GREB1: variants seen among roughly 807,000 people sequenced by gnomAD.
The protein encoded by GREB1 is growth regulating estrogen receptor binding 1, also known as protein GREB1.
A neutral mutation model predicts 200.7 loss-of-function variants in GREB1; 106 were observed. The observed-to-expected ratio is 0.53, with a 90% CI of 0.45 to 0.62. GREB1 has a LOEUF of 0.62. GREB1 is among the 20% of genes least tolerant of loss of function. GREB1 has a pLI of 0.00. For missense variants in GREB1, 2,243 were observed against 2,556.8 expected (o/e 0.88, Z 2.65); for synonymous variants, 1,132 against 1,092.4 (o/e 1.04, Z -0.72).
rs1044110716 is a variant in GREB1, at chr2:11,578,346, C to T, written c.687C>T (p.Phe229=). 2.5e-6 allele frequency: 4 copies of T among 1,614,138 alleles called. No homozygotes were observed. Among genetic ancestry groups the T allele is most frequent in the African/African-American group, 1.3e-5 (1 of 75,046 alleles). Residue 229 remains phenylalanine, a synonymous_variant, in exon 6 of 33, where the codon TTC becomes TTT. Coordinates refer to ENST00000381486, the MANE Select transcript of GREB1 (RefSeq NM_014668.4). ...IPASTCSSSL[F]PALESTAAFP... ...CCAGTACTTGTTCCAGTTCCCTCTT[C>T]CCAGCCCTGGAGAGCACGGCTGCCT...
chr2:11,560,722 G>A (rs1676935943), intron 2 of GREB1, among the ~76,000 whole-genome samples: 1 of 151,724 alleles, frequency 6.6e-6, no homozygotes, highest in African/African-American at 2.4e-5. Flanking sequence ...AGAAATAAGC[G>A]AAGAGTGCCT....
intron 30 of GREB1, among the ~76,000 whole-genome samples, chr2:11,636,773 G>C (rs372016758): frequency 7.4e-6 from 1 of 135,834 alleles, no homozygotes; most frequent in African/African-American, 2.6e-5. Flanking sequence ...GGCAGGGGCA[G>C]GGGCAGGGGC....
intron 2 of GREB1, among the ~76,000 whole-genome samples, chr2:11,557,974 A>G (rs1676605557): frequency 6.6e-6 from 1 of 152,254 alleles, no homozygotes; most frequent in Non-Finnish European, 1.5e-5. Context: ...TTACCTGGTC[A>G]TCCTCTACAT....
At chr2:11,541,278 C>T (rs575103448) in intron 1 of GREB1, among the ~76,000 whole-genome samples, 1 of 152,196 alleles carries the variant, frequency 6.6e-6, no homozygotes, top group Non-Finnish European at 1.5e-5. Context: ...GAAAGGGAGG[C>T]CGGGCAGGAA....
chr2:11,514,105 T>A (rs923497214), intron 1 of GREB1, among the ~76,000 whole-genome samples: 3 of 152,138 alleles, frequency 2.0e-5, no homozygotes, highest in African/African-American at 7.2e-5. Context: ...CCAGATGGGA[T>A]AGAGTTGAAT....
chr2:11,624,040 CAA>C (rs1684226660), intron 23 of GREB1, among the ~76,000 whole-genome samples: 1 of 152,120 alleles, frequency 6.6e-6, no homozygotes, highest in Non-Finnish European at 1.5e-5. Flanking sequence ...ACAAAAGAGT[CAA>C]AGAGTTTAAA....
intron 20 of GREB1, among the ~76,000 whole-genome samples, chr2:11,616,384 C>T (rs1252969665): frequency 6.6e-6 from 1 of 152,270 alleles, no homozygotes; most frequent in Non-Finnish European, 1.5e-5. Context: ...ATCTCCTCCA[C>T]CAGCTTGCAG....
At position 11,538,910 on chromosome 2, in the gene GREB1, C is replaced by CCTTCCCCCTCCCCTCCCCTCCTGT. The variant is rs1491417613; in HGVS notation, c.-162+4657_-162+4658insTTCCCCCTCCCCTCCCCTCCTGTC. On this transcript the variant is annotated intron_variant, in intron 1 of 32. Coordinates refer to ENST00000381486, the MANE Select transcript of GREB1 (RefSeq NM_014668.4). ...CTCTCTTTCTTTTCCTTCCTTCCTT[C>CCTTCCCCCTCCCCTCCCCTCCTGT]CCCCTCCCCTCCCCTCGTGTCCCCT... Among the ~76,000 whole-genome samples, 3 of 20,304 alleles carry CCTTCCCCCTCCCCTCCCCTCCTGT rather than the reference C, an allele frequency of 1.5e-4. 1 individual carries two copies. The highest frequency in any genetic ancestry group is 4.4e-4 in the Non-Finnish European group (3 of 6,848). The allele number at this position is 20,304 out of a possible 152,430, so 13.3% of individuals were successfully genotyped here. A position where few individuals can be genotyped will look rare whatever the true frequency, so the allele number is the denominator to read the frequency against.
intron 1 of GREB1, among the ~76,000 whole-genome samples, chr2:11,526,599 A>G (rs987700457): frequency 4.7e-5 from 7 of 149,432 alleles, no homozygotes; most frequent in Non-Finnish European, 7.4e-5. Context: ...CCTGTTGCCC[A>G]GGCTGGAGTG....
At position 11,641,060 on chromosome 2, in the gene GREB1, A is replaced by T. The variant is rs1278411091; in HGVS notation, c.*606A>T. On this transcript the variant is annotated 3_prime_UTR_variant, in exon 33 of 33. Transcript: ENST00000381486. ...ACTTCAGAGCAAATATGATCCTATT[A>T]AAATAATATAGGGTAAATACCCTAC... 1.3e-5 allele frequency: 2 copies of T among 152,252 alleles called. No homozygotes were observed. Among genetic ancestry groups the T allele is most frequent in the African/African-American group, 4.8e-5 (2 of 41,440 alleles). The allele number at this position is 152,252 out of a possible 1,614,324, so 9.4% of individuals were successfully genotyped here.
chr2:11,578,288 C>T lies in GREB1; in HGVS notation c.638-9C>T. On this transcript the variant is annotated splice_polypyrimidine_tract_variant and intron_variant, in intron 5 of 32. Transcript: ENST00000381486. ...AGTTGGTTTTCACGTGTGCACCTTG[C>T]CCCCTTAGAGTTTAGAAGCCGGCAG... is the stretch of plus-strand genomic sequence containing the variant. The T allele has an allele frequency of 6.2e-7, 1 of 1,608,556 alleles. No homozygotes were observed. The highest frequency in any genetic ancestry group is 8.5e-7 in the Non-Finnish European group (1 of 1,175,680).
At chr2:11,608,865 C>G (rs1682652539) in intron 17 of GREB1, among the ~76,000 whole-genome samples, 1 of 152,210 alleles carries the variant, frequency 6.6e-6, no homozygotes, top group African/African-American at 2.4e-5. Context: ...CTCTGCAGAT[C>G]TCTCCTCTTT....
At chr2:11,573,864 A>C (rs114536221) in intron 4 of GREB1, among the ~76,000 whole-genome samples, 161 of 152,300 alleles carry the variant, frequency 1.1e-3, no homozygotes, top group African/African-American at 3.6e-3. Flanking sequence ...CGTGTTTCTT[A>C]TGGGACAGAG....
intron 10 of GREB1, among the ~76,000 whole-genome samples, chr2:11,589,273 A>T (rs1424783585): frequency 1.3e-5 from 2 of 152,168 alleles, no homozygotes; most frequent in African/African-American, 4.8e-5. Context: ...GCAGGTAAAG[A>T]TGGGTGCATG....
intron 17 of GREB1, among the ~76,000 whole-genome samples, chr2:11,605,176 T>TTTTTTTTTCCC (rs1194746512): frequency 7.1e-6 from 1 of 140,716 alleles, no homozygotes; most frequent in Non-Finnish European, 1.5e-5. Context: ...TTTTTTTTTT[T>TTTTTTTTTCCC]ACGCAGCAGC....
At chr2:11,507,809 C>G (rs1673226618) in intron 1 of GREB1, among the ~76,000 whole-genome samples, 1 of 152,130 alleles carries the variant, frequency 6.6e-6, no homozygotes, top group South Asian at 2.1e-4. Flanking sequence ...AGTCCTGAGA[C>G]CACAGGACTC....
intron 1 of GREB1, chr2:11,556,246 C>T (rs1034451200): frequency 8.2e-5 from 13 of 157,586 alleles, no homozygotes; most frequent in Admixed American, 1.3e-4. Context: ...GAGGGCCATT[C>T]GTCTGCAGGT....
Position 11,592,920 on chromosome 2 carries a change from C to A in GREB1, c.1490C>A (p.Thr497Asn), listed in dbSNP as rs750604574. 5 of 1,585,502 alleles carry A rather than the reference C, an allele frequency of 3.2e-6. No individual in the cohort carries two copies. Among genetic ancestry groups the A allele is most frequent in the Non-Finnish European group, 4.3e-6 (5 of 1,165,574 alleles). ...PPAPSAAAPV[T>N]SAQLPWLASL... ...GCGCCCAGCGCCGCGGCACCCGTGA[C>A]CTCCGCGCAGCTGCCCTGGCTGGCC... is the stretch of plus-strand genomic sequence containing the variant. The change falls in exon 11 of 33, where the codon ACC (threonine) becomes AAC (asparagine). Residue 497 changes from threonine (T) to asparagine (N), a missense_variant. Thr to Asn is a moderately conservative substitution (Grantham distance 65). Transcript: ENST00000381486.
intron 1 of GREB1, among the ~76,000 whole-genome samples, chr2:11,547,770 CTT>C (rs1005008266): frequency 6.6e-6 from 1 of 152,046 alleles, no homozygotes; most frequent in African/African-American, 2.4e-5. Flanking sequence ...GGAATTACCT[CTT>C]TATTTCCAAA....
Sources: allele counts gnomAD v4.1 joint callset (sites outside exome capture counted in the v4.1 genomes callset), GRCh38; gene constraint gnomAD v4.1.1; transcripts MANE v1.5; gene names NCBI Gene and HGNC (gene_info 2026-07-23, HGNC 2026-07-21).